LRRTM4: variants seen among roughly 807,000 people sequenced by gnomAD.
LRRTM4 encodes leucine rich repeat transmembrane neuronal 4.
LRRTM4 carries 25 observed loss-of-function variants against 47.6 expected under a neutral mutation model. The observed-to-expected ratio is 0.53, with a 90% CI of 0.38 to 0.73. The LOEUF (loss-of-function observed/expected upper bound fraction) is 0.73, where lower values mean the gene tolerates loss of function less well. LRRTM4 is among the 30% of genes least tolerant of loss of function. The pLI, the probability that LRRTM4 is intolerant of heterozygous loss-of-function variation, is 0.00. For synonymous variants in LRRTM4, 311 were observed against 269.5 expected, an observed-to-expected ratio of 1.15 and a Z score of -1.51; for missense variants, 638 against 713.4, an observed-to-expected ratio of 0.89 and a Z score of 1.20.
chr2:77,120,232 G>A (rs1161322129), intron 3 of LRRTM4, among the ~76,000 whole-genome samples: 2 of 151,756 alleles, frequency 1.3e-5, no homozygotes, highest in Non-Finnish European at 3.0e-5. Context: ...CAGAGAGCGG[G>A]AATACATGGG....
chr2:77,010,731 A>G (rs540123092), intron 3 of LRRTM4, among the ~76,000 whole-genome samples: 389 of 152,282 alleles, frequency 2.6e-3, no homozygotes, highest in African/African-American at 8.9e-3. Flanking sequence ...AGGATGTAAA[A>G]AAAGTGGCTG....
chr2:76,771,328 A>G (rs1429592048), intron 3 of LRRTM4, among the ~76,000 whole-genome samples: 2 of 152,204 alleles, frequency 1.3e-5, no homozygotes, highest in Non-Finnish European at 2.9e-5. Context: ...GGTGAGATTT[A>G]ATGCAGCAGG....
At chr2:77,010,073 T>C (rs906013856) in intron 3 of LRRTM4, among the ~76,000 whole-genome samples, 1 of 152,050 alleles carries the variant, frequency 6.6e-6, no homozygotes, top group Non-Finnish European at 1.5e-5. Flanking sequence ...TATGTATATG[T>C]TTTGGAATTG....
At position 76,807,877 on chromosome 2, in the gene LRRTM4, G is replaced by A. The variant is rs543494667; in HGVS notation, c.1552-58961C>T. On this transcript the variant is annotated intron_variant, in intron 3 of 3. Coordinates refer to ENST00000409884, the MANE Select transcript of LRRTM4 (RefSeq NM_001134745.3). The stretch of plus-strand genomic sequence containing the variant: ...ATTACAGGTGTGAGCCACCGCACCC[G>A]GCCTATTTTCTTTTCTTCTTTACTT... 2.1e-3 allele frequency among the ~76,000 whole-genome samples: 317 copies of A among 151,370 alleles called. 1 individual carries two copies. Among genetic ancestry groups the A allele is most frequent in the African/African-American group, 6.4e-3 (264 of 41,300 alleles).
chr2:77,025,253 A>C (rs1369520018), intron 3 of LRRTM4, among the ~76,000 whole-genome samples: 2 of 152,200 alleles, frequency 1.3e-5, no homozygotes, highest in Non-Finnish European at 2.9e-5. Context: ...CCTTTCAAAT[A>C]ATCTCTTTGA....
In LRRTM4 at chr2:77,332,960, A is replaced by C. The variant is rs114601087; in HGVS notation, c.1551+185358T>G. ...GAGGAACTAGGTGGGAGGTGATTGA[A>C]TTACAGGGGCGGGTCTTTCCTGGGC... On this transcript the variant is annotated intron_variant, in intron 3 of 3. Transcript: ENST00000409884. 4.0e-3 allele frequency among the ~76,000 whole-genome samples: 616 copies of C among 152,272 alleles called. 5 individuals are homozygous for C. Among genetic ancestry groups the C allele is most frequent in the African/African-American group, 0.014 (589 of 41,554 alleles).
intron 3 of LRRTM4, among the ~76,000 whole-genome samples, chr2:77,509,811 G>C (rs1558776424): frequency 2.0e-5 from 3 of 152,060 alleles, no homozygotes; most frequent in Non-Finnish European, 4.4e-5. Context: ...AGAAAGGTCA[G>C]ATATATATTT....
At position 77,221,064 on chromosome 2, in the gene LRRTM4, GA is replaced by G. The variant is rs571010358; in HGVS notation, c.1551+297253del. ...GGGGCCAATATTCAACATTCTTAAA[GA>G]AAAGAATTTTCAACCCAGAATTTCA... On this transcript the variant is annotated intron_variant, in intron 3 of 3. Transcript: ENST00000409884. Among the ~76,000 whole-genome samples the G allele has an allele frequency of 6.2e-4, 94 of 152,268 alleles. 2 individuals are homozygous for G. The East Asian group carries it at 0.014, about 23-fold the overall frequency.
intron 3 of LRRTM4, among the ~76,000 whole-genome samples, chr2:76,895,822 G>A (rs1275990294): frequency 6.6e-6 from 1 of 152,054 alleles, no homozygotes; most frequent in East Asian, 1.9e-4. Context: ...TGTGGAGGGT[G>A]GTAACACAAC....
intron 3 of LRRTM4, among the ~76,000 whole-genome samples, chr2:77,116,134 G>A (rs899187903): frequency 6.6e-6 from 1 of 151,990 alleles, no homozygotes; most frequent in Non-Finnish European, 1.5e-5. Flanking sequence ...GATTTGTAGT[G>A]TCAACGTTTA....
chr2:76,814,755 G>A (rs1018036295), intron 3 of LRRTM4, among the ~76,000 whole-genome samples: 2 of 151,358 alleles, frequency 1.3e-5, no homozygotes, highest in African/African-American at 4.9e-5. Flanking sequence ...ACAAAGGGAT[G>A]ACTGTAATAA....
chr2:76,961,220 TAAATATC>T (rs1405699810), intron 3 of LRRTM4, among the ~76,000 whole-genome samples: 1 of 151,428 alleles, frequency 6.6e-6, no homozygotes, highest in African/African-American at 2.4e-5. Context: ...CACATGTAAA[TAAATATC>T]TAATATAATT....
chr2:77,195,236 A>G (rs766722473), intron 3 of LRRTM4, among the ~76,000 whole-genome samples: 51 of 152,036 alleles, frequency 3.4e-4, no homozygotes, highest in Non-Finnish European at 5.3e-4. Context: ...TATTTGCTAT[A>G]ATGACATGCC....
At chr2:76,861,866 A>G (rs1672322880) in intron 3 of LRRTM4, among the ~76,000 whole-genome samples, 1 of 152,148 alleles carries the variant, frequency 6.6e-6, no homozygotes, top group African/African-American at 2.4e-5. Context: ...ATCTGAAGTA[A>G]CACAGGCATA....
chr2:77,484,267 T>C (rs1677828735), intron 3 of LRRTM4, among the ~76,000 whole-genome samples: 1 of 152,188 alleles, frequency 6.6e-6, no homozygotes, highest in Non-Finnish European at 1.5e-5. Context: ...AGATAACTTG[T>C]GTGGTTTTTA....
chr2:76,895,272 CATAA>C, intron 3 of LRRTM4, among the ~76,000 whole-genome samples: 1 of 152,012 alleles, frequency 6.6e-6, no homozygotes, highest in East Asian at 1.9e-4. Context: ...AAATAAGCTT[CATAA>C]ATAGATTACC....
chr2:76,802,778 G>GA (rs1675768425), intron 3 of LRRTM4, among the ~76,000 whole-genome samples: 2 of 152,060 alleles, frequency 1.3e-5, no homozygotes, highest in African/African-American at 2.4e-5. Flanking sequence ...ATAGGATAGA[G>GA]AACTCAGAAA....
At chr2:76,764,540 A>G (rs1673380993) in intron 3 of LRRTM4, among the ~76,000 whole-genome samples, 1 of 152,184 alleles carries the variant, frequency 6.6e-6, no homozygotes, top group African/African-American at 2.4e-5. Context: ...CTGAGGCAGG[A>G]GACTGGCATG....
At position 76,887,295 on chromosome 2, in the gene LRRTM4, A is replaced by G. The variant is rs1673107804; in HGVS notation, c.1552-138379T>C. Among the ~76,000 whole-genome samples, 4 of 151,772 alleles carry G rather than the reference A, an allele frequency of 2.6e-5. No individual in the cohort carries two copies. The South Asian group carries it at 8.3e-4, about 31-fold the overall frequency. On this transcript the variant is annotated intron_variant, in intron 3 of 3. Transcript: ENST00000409884. ...CATTATCATGAGAAAGTTAACATAT[A>G]AAGTATTCAAAATTTGTAAAGCAAC...
Sources: gnomAD v4.1 joint callset for allele counts (sites outside exome capture counted in the v4.1 genomes callset) on GRCh38, gnomAD v4.1.1 for gene constraint, MANE v1.5 for transcripts, NCBI Gene and HGNC (gene_info 2026-07-23, HGNC 2026-07-21) for gene names.